PDK3: variants seen among roughly 807,000 people sequenced by gnomAD.
PDK3 encodes pyruvate dehydrogenase kinase 3, also known as pyruvate dehydrogenase kinase, isozyme 3.
A neutral mutation model predicts 32.0 loss-of-function variants in PDK3; 12 were observed. The ratio of observed to expected loss-of-function variants is 0.37; its 90% CI spans 0.24 to 0.61. The LOEUF is 0.61. Ranked by LOEUF, PDK3 falls within the 20% of genes least tolerant of loss-of-function variation. The probability of loss-of-function intolerance (pLI) is 0.65; values close to 1 mark genes in which losing one functional copy is unlikely to be tolerated. For synonymous variants in PDK3, 122 were observed against 116.3 expected, an observed-to-expected ratio of 1.05 and a Z score of -0.31; for missense variants, 188 against 316.9, an observed-to-expected ratio of 0.59 and a Z score of 3.09.
chrX:24,532,876 T>G (rs970539337), intron 10 of PDK3, among the ~76,000 whole-genome samples: 3 of 111,069 alleles, frequency 2.7e-5, no homozygotes, highest in African/African-American at 9.8e-5. Flanking sequence ...AACATGCCAC[T>G]GTGGGTCAAG....
In PDK3 at chrX:24,531,049, T is replaced by TTGTGTGTG. The variant is rs760426568; in HGVS notation, c.964-581_964-574dup. ...ATTCCACTTGATTTGGAATGTGCTT[T>TTGTGTGTG]TGTGTGTGTGTGTGTGTGTGTGTGT... is the stretch of plus-strand genomic sequence containing the variant. On this transcript the variant is annotated intron_variant, in intron 9 of 10. Coordinates refer to ENST00000379162, the MANE Select transcript of PDK3 (RefSeq NM_005391.5). Among the ~76,000 whole-genome samples the TTGTGTGTG allele has an allele frequency of 4.4e-3, 429 of 98,159 alleles. 1 individual carries two copies. Among genetic ancestry groups the TTGTGTGTG allele is most frequent in the Middle Eastern group, 0.016 (3 of 186 alleles). The allele number at this position is 98,159 out of a possible 115,157, so 85.2% of individuals were successfully genotyped here.
downstream of PDK3, among the ~76,000 whole-genome samples, chrX:24,536,692 A>G (rs1393752517): frequency 9.0e-6 from 1 of 111,183 alleles, no homozygotes; most frequent in African/African-American, 3.3e-5. Context: ...TAAAGTGCAC[A>G]CATCTTAAGT....
At chrX:24,474,383 TTTTATTTATTTATTTATTTA>T (rs57520211) in intron 1 of PDK3, among the ~76,000 whole-genome samples, 1 of 96,806 alleles carries the variant, frequency 1.0e-5, no homozygotes, top group East Asian at 3.2e-4. Context: ...TATAAGTTTA[TTTTATTTATTTATTTATTTA>T]TTTATTTATT....
At chrX:24,474,349 A>G (rs1341735671) in intron 1 of PDK3, among the ~76,000 whole-genome samples, 1 of 110,674 alleles carries the variant, frequency 9.0e-6, no homozygotes, top group Non-Finnish European at 1.9e-5. Flanking sequence ...ATTAAACATT[A>G]TGCCACTTTC....
At chrX:24,546,188 C>T (rs931926252) in exon 12 of PDK3, 1 of 111,835 alleles carries the variant, frequency 8.9e-6, no homozygotes, top group African/African-American at 3.3e-5. Context: ...GTCTTGCTGA[C>T]CAATGGGGAA....
chrX:24,536,287 C>G (rs1922777125), downstream of PDK3, among the ~76,000 whole-genome samples: 1 of 111,514 alleles, frequency 9.0e-6, no homozygotes, highest in African/African-American at 3.3e-5. Context: ...CAGCTGTTCA[C>G]CTAATGGTTT....
chrX:24,495,139 A>C (rs1226755457), intron 2 of PDK3, among the ~76,000 whole-genome samples: 2 of 112,147 alleles, frequency 1.8e-5, no homozygotes, highest in Non-Finnish European at 3.8e-5. Flanking sequence ...GTGTGGTGGG[A>C]TTGCAGTTCT....
chrX:24,481,035 CTCTTTT>C (rs1921240263), intron 1 of PDK3, among the ~76,000 whole-genome samples: 2 of 94,587 alleles, frequency 2.1e-5, no homozygotes, highest in African/African-American at 4.2e-5. Flanking sequence ...AATGTGCATA[CTCTTTT>C]TCTTTTTCTT....
chrX:24,533,977 G>T lies in PDK3; in HGVS notation c.1126G>T (p.Ala376Ser). The stretch of plus-strand genomic sequence containing the variant: ...GAGACTTCCAGTTTTTAATAAGTCC[G>T]CATGGCGCCATTACAAGACCACGCC... ...FERLPVFNKS[A>S]WRHYKTTPEA... The change falls in exon 11 of 11, where the codon GCA (alanine) becomes TCA (serine). Residue 376 changes from alanine (A) to serine (S), a missense_variant. Coordinates refer to ENST00000379162, the MANE Select transcript of PDK3 (RefSeq NM_005391.5). The T allele has an allele frequency of 8.3e-7, 1 of 1,208,581 alleles. No individual in the cohort carries two copies. The highest frequency in any genetic ancestry group is 1.1e-6 in the Non-Finnish European group (1 of 893,610).
chrX:24,513,918 G>A (rs1922189114), intron 5 of PDK3, among the ~76,000 whole-genome samples: 2 of 111,650 alleles, frequency 1.8e-5, no homozygotes, highest in Admixed American at 1.9e-4. Context: ...ACCTTTTTGT[G>A]ACACTGGCTT....
chrX:24,499,767 C>T (rs963133969), intron 3 of PDK3, among the ~76,000 whole-genome samples: 2 of 111,865 alleles, frequency 1.8e-5, no homozygotes, highest in African/African-American at 6.5e-5. Flanking sequence ...CAAAGCTGGA[C>T]CTATAAGCTA....
intron 1 of PDK3, among the ~76,000 whole-genome samples, chrX:24,488,580 T>C (rs1921465720): frequency 9.0e-6 from 1 of 111,323 alleles, no homozygotes; most frequent in African/African-American, 3.3e-5. Context: ...TCCCAGCTAC[T>C]CAGGAGGCTG....
chrX:24,503,650 C>A, intron 4 of PDK3, 139 bp downstream of exon 4: 1 of 427,395 alleles, frequency 2.3e-6, no homozygotes, highest in Non-Finnish European at 3.9e-6. Flanking sequence ...CTAAGTGAAT[C>A]CTAGCCATTA....
rs141516405 is a variant in PDK3, at chrX:24,529,529, G to T, written c.963+1343G>T. Among the ~76,000 whole-genome samples, 950 of 111,129 alleles carry T rather than the reference G, an allele frequency of 8.5e-3. 6 individuals are homozygous for T. Among genetic ancestry groups the T allele is most frequent in the Non-Finnish European group, 0.014 (741 of 52,966 alleles). On this transcript the variant is annotated intron_variant, in intron 9 of 10. Transcript: ENST00000379162. ...TCCTAGCACTTTGGGAGGCCAAGGC[G>T]GGTGGATCACTTAAGGTCAGGAGTT... is the stretch of plus-strand genomic sequence containing the variant.
At chrX:24,491,471 A>G (rs956630179) in intron 1 of PDK3, among the ~76,000 whole-genome samples, 7 of 109,980 alleles carry the variant, frequency 6.4e-5, no homozygotes, top group African/African-American at 2.0e-4. Context: ...CAATGGGTGG[A>G]AAGTTACTAA....
chrX:24,505,424 G>A (rs1346762480), intron 5 of PDK3, 126 bp downstream of exon 5: 12 of 429,378 alleles, frequency 2.8e-5, no homozygotes, highest in African/African-American at 5.0e-5. Flanking sequence ...CTGGGCCCAA[G>A]CCACTGGATC....
intron 1 of PDK3, among the ~76,000 whole-genome samples, chrX:24,488,401 AAC>A (rs1160125960): frequency 8.9e-6 from 1 of 112,453 alleles, no homozygotes; most frequent in Non-Finnish European, 1.9e-5. Flanking sequence ...ATAAAAAACA[AAC>A]AGAGGCCAGG....
chrX:24,501,695 G>C (rs1014374965), intron 3 of PDK3, among the ~76,000 whole-genome samples: 3 of 112,559 alleles, frequency 2.7e-5, no homozygotes, highest in Non-Finnish European at 5.6e-5. Flanking sequence ...CTGGGCAACA[G>C]AGCAAGACTC....
chrX:24,522,301 C>T (rs761764793), intron 6 of PDK3, among the ~76,000 whole-genome samples: 1 of 111,066 alleles, frequency 9.0e-6, no homozygotes. Flanking sequence ...CAGCCAGCCT[C>T]GAGACCCAGA....
Sources: gnomAD v4.1 joint callset for allele counts (sites outside exome capture counted in the v4.1 genomes callset) on GRCh38, gnomAD v4.1.1 for gene constraint, MANE v1.5 for transcripts, NCBI Gene and HGNC (gene_info 2026-07-23, HGNC 2026-07-21) for gene names.